DTNA: variants seen among roughly 807,000 people sequenced by gnomAD.
DTNA encodes the protein dystrophin-related protein 3.
Under a neutral mutation model 100.7 loss-of-function variants are expected in DTNA, and 43 were observed. That is an observed-to-expected ratio of 0.43 (90% CI 0.33 to 0.55). DTNA has a LOEUF of 0.55. DTNA is among the 20% of genes least tolerant of loss of function. DTNA has a pLI of 0.04. For synonymous variants in DTNA, 349 were observed against 347.9 expected (o/e 1.00, Z -0.04); for missense variants, 798 against 953.9 (o/e 0.84, Z 2.15).
chr18:34,688,242 G>C (rs1259331492), intron 1 of DTNA, among the ~76,000 whole-genome samples: 2 of 152,132 alleles, frequency 1.3e-5, no homozygotes. Flanking sequence ...AGTGTGGATG[G>C]TCTTTACAAT....
At chr18:34,773,832 T>A (rs1276831651) in intron 3 of DTNA, among the ~76,000 whole-genome samples, 1 of 152,216 alleles carries the variant, frequency 6.6e-6, no homozygotes, top group African/African-American at 2.4e-5. Context: ...CTGATGATTA[T>A]GATATGGGTT....
chr18:34,610,385 T>G (rs10502628), intron 1 of DTNA, among the ~76,000 whole-genome samples: 9,986 of 152,206 alleles, frequency 0.066, 399 homozygotes, highest in Non-Finnish European at 0.074. Context: ...CCAGAACAAA[T>G]CAGTCTTAAT....
At position 34,640,086 on chromosome 18, in the gene DTNA, C is replaced by G. The variant is rs1018329088; in HGVS notation, c.-1-115890C>G. Reference sequence around the variant, plus strand: ...GCCTTTGATGCAAATTTCTCCTGATCTAAGTTTCAAACTCTGCCAGAAATG... The same window carrying G: ...GCCTTTGATGCAAATTTCTCCTGATGTAAGTTTCAAACTCTGCCAGAAATG... On this transcript the variant is annotated intron_variant, in intron 1 of 19. Coordinates refer to the DTNA transcript ENST00000283365. Among the ~76,000 whole-genome samples the G allele has an allele frequency of 3.9e-5, 6 of 152,334 alleles. 1 individual carries two copies. The highest frequency in any genetic ancestry group is 2.6e-4 in the Admixed American group (4 of 15,302).
intron 3 of DTNA, among the ~76,000 whole-genome samples, chr18:34,788,945 A>G (rs2094605277): frequency 6.6e-6 from 1 of 152,228 alleles, no homozygotes; most frequent in Non-Finnish European, 1.5e-5. Flanking sequence ...TTGATCATCT[A>G]TTATGTAAAT....
chr18:34,585,636 A>T (rs1447423067), intron 1 of DTNA, among the ~76,000 whole-genome samples: 1 of 152,170 alleles, frequency 6.6e-6, no homozygotes, highest in Non-Finnish European at 1.5e-5. Context: ...GAGGACACAC[A>T]TGCTGGAGGA....
At chr18:34,700,422 G>A (rs941201845) in intron 1 of DTNA, among the ~76,000 whole-genome samples, 7 of 152,178 alleles carry the variant, frequency 4.6e-5, no homozygotes, top group African/African-American at 1.7e-4. Flanking sequence ...TTCATTAAAG[G>A]GTCTTTTGGG....
At chr18:34,810,415 AGTAAAATAAGTCAC>A (rs2095460383) in intron 5 of DTNA, among the ~76,000 whole-genome samples, 1 of 152,094 alleles carries the variant, frequency 6.6e-6, no homozygotes, top group Non-Finnish European at 1.5e-5. Context: ...CATTATGTTA[AGTAAAATAAGTCAC>A]GCACGGAAAG....
chr18:34,559,910 A>C (rs1190152782), intron 1 of DTNA, among the ~76,000 whole-genome samples: 4 of 152,240 alleles, frequency 2.6e-5, no homozygotes, highest in Non-Finnish European at 5.9e-5. Context: ...AGTGCTTGAA[A>C]TATATTACTT....
At chr18:34,721,897 C>T (rs183823280) in intron 1 of DTNA, among the ~76,000 whole-genome samples, 90 of 152,288 alleles carry the variant, frequency 5.9e-4, no homozygotes, top group African/African-American at 1.9e-3. Flanking sequence ...GGCTAATGCT[C>T]TGTGAGAACC....
intron 1 of DTNA, among the ~76,000 whole-genome samples, chr18:34,646,000 G>A (rs564933363): frequency 6.6e-6 from 1 of 152,094 alleles, no homozygotes; most frequent in African/African-American, 2.4e-5. Flanking sequence ...AACTGCATGG[G>A]ATGTGATCAT....
chr18:34,628,533 A>T (rs1439001938), intron 1 of DTNA, among the ~76,000 whole-genome samples: 1 of 152,172 alleles, frequency 6.6e-6, no homozygotes, highest in Admixed American at 6.5e-5. Context: ...GTTTATTGAG[A>T]TTTTTTTCAT....
chr18:34,864,057 C>T lies in DTNA; in HGVS notation c.1738C>T (p.Leu580=), dbSNP rs769153252. Residue 580 remains leucine (L), a synonymous_variant, in exon 17 of 23, where the codon CTA becomes TTA. Coordinates refer to ENST00000444659, the MANE Select transcript of DTNA (RefSeq NM_001386795.1). ...CCAGTTGGAGGGTCTCATGAAGCTA[C>T]TAAAGGTAAGACCTGCCAGATAAAT... is the stretch of plus-strand genomic sequence containing the variant. ...MVQLEGLMKL[L]KTQGAGSPRS... is the part of the protein sequence containing the mutation. 1 of 1,608,394 alleles carries T rather than the reference C, an allele frequency of 6.2e-7. No homozygotes were observed. Among genetic ancestry groups the T allele is most frequent in the South Asian group, 1.1e-5 (1 of 90,062 alleles).
chr18:34,636,734 C>T (rs747674326), intron 1 of DTNA, among the ~76,000 whole-genome samples: 6 of 152,296 alleles, frequency 3.9e-5, no homozygotes, highest in Non-Finnish European at 8.8e-5. Flanking sequence ...ATGCTTCTTT[C>T]TAAGTTTGCC....
chr18:34,571,560 T>C (rs2047590333), intron 1 of DTNA, among the ~76,000 whole-genome samples: 1 of 151,972 alleles, frequency 6.6e-6, no homozygotes, highest in African/African-American at 2.4e-5. Flanking sequence ...CCGAGCAACA[T>C]AGAGAGACTC....
chr18:34,778,716 C>A (rs1277112776), intron 3 of DTNA, among the ~76,000 whole-genome samples: 1 of 152,064 alleles, frequency 6.6e-6, no homozygotes, highest in Non-Finnish European at 1.5e-5. Context: ...TCATGGTACC[C>A]CTAAAAAATG....
chr18:34,835,257 A>G (rs2096114458), intron 11 of DTNA, among the ~76,000 whole-genome samples: 1 of 152,244 alleles, frequency 6.6e-6, no homozygotes, highest in South Asian at 2.1e-4. Flanking sequence ...ATAGCAAAAC[A>G]AAATAGTTTA....
intron 1 of DTNA, among the ~76,000 whole-genome samples, chr18:34,680,447 T>A (rs1213032101): frequency 6.6e-6 from 1 of 152,180 alleles, no homozygotes; most frequent in Non-Finnish European, 1.5e-5. Context: ...GTGGCTTTAT[T>A]ATGTACTTTG....
At chr18:34,857,860 G>A (rs1289725260) in intron 15 of DTNA, among the ~76,000 whole-genome samples, 43 of 152,238 alleles carry the variant, frequency 2.8e-4, no homozygotes, top group Middle Eastern at 3.4e-3. Context: ...CCTCTTACTT[G>A]GTAGCTGCAG....
chr18:34,766,682 A>C (rs1443403760), intron 3 of DTNA, among the ~76,000 whole-genome samples: 1 of 152,224 alleles, frequency 6.6e-6, no homozygotes, highest in Non-Finnish European at 1.5e-5. Flanking sequence ...TAATAATAAA[A>C]TAAAATAAAA....
Sources: gnomAD v4.1 joint callset for allele counts (sites outside exome capture counted in the v4.1 genomes callset) on GRCh38, gnomAD v4.1.1 for gene constraint, MANE v1.5 for transcripts, NCBI Gene and HGNC (gene_info 2026-07-23, HGNC 2026-07-21) for gene names.